POU2F1: variants seen among roughly 807,000 people sequenced by gnomAD.
POU2F1 encodes the protein POU class 2 homeobox 1.
In POU2F1, 16 loss-of-function variants were observed where a neutral mutation model predicts 84.9. The ratio of observed to expected loss-of-function variants is 0.19; its 90% confidence interval spans 0.13 to 0.29. The LOEUF (loss-of-function observed/expected upper bound fraction) is 0.29. Among genes scored for constraint, POU2F1 ranks in the 10% least tolerant of loss-of-function variants. The probability of loss-of-function intolerance (pLI) is 1.00; values close to 1 mark genes in which losing one functional copy is unlikely to be tolerated. For missense variants in POU2F1, 738 were observed against 942.6 expected (o/e 0.78, Z 2.84); for synonymous variants, 368 against 368.3 (o/e 1.00, Z 0.01).
chr1:167,250,457 A>G lies in POU2F1; in HGVS notation c.61+29499A>G, dbSNP rs573890057. ...TTTAAATTTTAGGTAAGAATGGAAA[A>G]TGATGCCTGTTAACATTTTTATTCT... On this transcript the variant is annotated intron_variant, in intron 1 of 15. Transcript: ENST00000367866. Among the ~76,000 whole-genome samples, 216 of 152,368 alleles carry G rather than the reference A, an allele frequency of 1.4e-3. 1 individual carries two copies. The highest frequency in any genetic ancestry group is 5.0e-3 in the African/African-American group (209 of 41,596).
At chr1:167,223,055 A>G (rs1300567374) in intron 1 of POU2F1, among the ~76,000 whole-genome samples, 1 of 152,142 alleles carries the variant, frequency 6.6e-6, no homozygotes, top group Non-Finnish European at 1.5e-5. Flanking sequence ...CCTTTCTGAC[A>G]TCTTCATTCT....
chr1:167,306,538 CATAATTCTCATTTTTCAAATGAG>C (rs1655076355), intron 1 of POU2F1, among the ~76,000 whole-genome samples: 1 of 152,058 alleles, frequency 6.6e-6, no homozygotes, highest in Non-Finnish European at 1.5e-5. Context: ...TGGGAGACAG[CATAATTCTCATTTTTCAAATGAG>C]AAAATTAAGG....
intron 1 of POU2F1, among the ~76,000 whole-genome samples, chr1:167,264,031 T>C (rs1209497564): frequency 6.6e-6 from 1 of 152,202 alleles, no homozygotes; most frequent in Non-Finnish European, 1.5e-5. Flanking sequence ...CTGCTCTTTA[T>C]ACCTTATGGT....
At chr1:167,399,103 T>G in intron 11 of POU2F1, 83 bp from the exon 12 acceptor site, 1 of 1,374,050 alleles carries the variant, frequency 7.3e-7, no homozygotes, top group Non-Finnish European at 9.8e-7. Flanking sequence ...CAGCTTCATT[T>G]TCTAACCTGA....
intron 12 of POU2F1, among the ~76,000 whole-genome samples, chr1:167,400,570 T>C (rs1649138945): frequency 6.6e-6 from 1 of 152,224 alleles, no homozygotes; most frequent in Admixed American, 6.5e-5. Context: ...GTCTTTTACT[T>C]TGAAACAACA....
At chr1:167,275,030 G>GTTTTTTTTTTTTTTTTTTTT (rs1202443333) in intron 1 of POU2F1, among the ~76,000 whole-genome samples, 1 of 120,756 alleles carries the variant, frequency 8.3e-6, no homozygotes, top group African/African-American at 3.1e-5. Flanking sequence ...TCAAATAAAT[G>GTTTTTTTTTTTTTTTTTTTT]TATTTTTTTT....
intron 8 of POU2F1, among the ~76,000 whole-genome samples, chr1:167,385,453 A>G (rs1647901478): frequency 6.6e-6 from 1 of 152,194 alleles, no homozygotes; most frequent in Non-Finnish European, 1.5e-5. Flanking sequence ...ACAGTGTAAT[A>G]CTGGCATATG....
At chr1:167,408,307 G>A (rs1398076820) in intron 13 of POU2F1, among the ~76,000 whole-genome samples, 8 of 152,078 alleles carry the variant, frequency 5.3e-5, no homozygotes, top group Non-Finnish European at 1.2e-4. Flanking sequence ...ATACAGCTTC[G>A]GAAAACATCT....
At chr1:167,348,610 C>T (rs1658352756) in intron 2 of POU2F1, among the ~76,000 whole-genome samples, 1 of 152,168 alleles carries the variant, frequency 6.6e-6, no homozygotes, top group South Asian at 2.1e-4. Flanking sequence ...CTGAAACCTC[C>T]TCCTTTTTTC....
intron 1 of POU2F1, chr1:167,241,556 A>T (rs562012331): frequency 6.6e-6 from 1 of 152,274 alleles, no homozygotes; most frequent in South Asian, 2.1e-4. Flanking sequence ...ATGAGCATAC[A>T]CCTTCACTTG....
rs1349627650 is a variant in POU2F1, at chr1:167,376,049, G to A, written c.612G>A (p.Gln204=). The part of the protein sequence containing the change: ...QIAQDLQQLQ[Q]LQQQNLNLQQ... ...TTCAGGATCTTCAACAACTGCAACA[G>A]CTTCAACAGCAGAATCTCAACCTGC... is the stretch of plus-strand genomic sequence containing the variant. Residue 204 remains glutamine (Q), a synonymous_variant, in exon 7 of 16, where the codon CAG becomes CAA. Coordinates refer to ENST00000367866, the MANE Select transcript of POU2F1 (RefSeq NM_002697.4). 6.2e-7 allele frequency: 1 copy of A among 1,614,148 alleles called. No homozygotes were observed. Among genetic ancestry groups the A allele is most frequent in the Non-Finnish European group, 8.5e-7 (1 of 1,180,000 alleles).
intron 1 of POU2F1, among the ~76,000 whole-genome samples, chr1:167,263,376 C>T (rs147797141): frequency 2.0e-4 from 31 of 152,024 alleles, no homozygotes; most frequent in Admixed American, 4.6e-4. Flanking sequence ...AAAAATTAGC[C>T]GGGCGTGGTA....
At chr1:167,294,249 T>C (rs1418984918) in intron 1 of POU2F1, among the ~76,000 whole-genome samples, 2 of 149,802 alleles carry the variant, frequency 1.3e-5, no homozygotes, top group African/African-American at 4.9e-5. Flanking sequence ...CTCAGGAGGC[T>C]GAGGTAGGAG....
intron 2 of POU2F1, among the ~76,000 whole-genome samples, chr1:167,351,519 CAAAAAAAAAAAAAAAAA>C (rs34170498): frequency 4.3e-5 from 2 of 45,996 alleles, no homozygotes; most frequent in South Asian, 1.3e-3. Flanking sequence ...AGCACCATCT[CAAAAAAAAAAAAAAAAA>C]AAAAAAAGAA....
rs573187431 is a variant in POU2F1, at chr1:167,350,973, G to A, written c.128-14494G>A. ...AGATCATGCCATTGCACTCCAGCCTGGGCAACAAAAGCGAAACTCCATCTC... is the reference window on the plus strand; with the variant it reads ...AGATCATGCCATTGCACTCCAGCCTAGGCAACAAAAGCGAAACTCCATCTC... On this transcript the variant is annotated intron_variant, in intron 2 of 15. Transcript: ENST00000367866. Among the ~76,000 whole-genome samples the A allele has an allele frequency of 2.0e-5, 3 of 151,898 alleles. No homozygotes were observed. In the East Asian group the frequency reaches 5.8e-4, roughly 30 times the overall value.
rs558587816 is a variant in POU2F1 at position 167,417,746 on chromosome 1, G to A, written c.*1936G>A. The A allele has an allele frequency of 4.6e-5, 7 of 152,292 alleles. No individual in the cohort carries two copies. In the East Asian group the frequency reaches 9.7e-4, roughly 21 times the overall value. The allele number at this position is 152,292 out of a possible 1,614,324, so 9.4% of individuals were successfully genotyped here. On this transcript the variant is annotated 3_prime_UTR_variant, in exon 16 of 16. Transcript: ENST00000367866. ...TGATTGCTTTTGTTTGTGTCCACAA[G>A]GGAGCTTGGATTCTGTGTACTTGTC... is the stretch of plus-strand genomic sequence containing the variant.
At chr1:167,268,297 C>A (rs1454855269) in intron 1 of POU2F1, among the ~76,000 whole-genome samples, 1 of 152,096 alleles carries the variant, frequency 6.6e-6, no homozygotes, top group Non-Finnish European at 1.5e-5. Flanking sequence ...TCATTACTTT[C>A]CAACTCCCTT....
intron 3 of POU2F1, among the ~76,000 whole-genome samples, chr1:167,366,665 T>C (rs1659701664): frequency 6.6e-6 from 1 of 152,096 alleles, no homozygotes; most frequent in African/African-American, 2.4e-5. Flanking sequence ...TTTATATCTT[T>C]GAAATGGAAA....
intron 10 of POU2F1, 105 bp from the exon 11 acceptor site, chr1:167,397,889 C>A: frequency 8.2e-7 from 1 of 1,215,656 alleles, no homozygotes; most frequent in Non-Finnish European, 1.1e-6. Flanking sequence ...CCTTTTCATA[C>A]TTGGATGTAG....
Sources: allele counts gnomAD v4.1 joint callset (sites outside exome capture counted in the v4.1 genomes callset), GRCh38; gene constraint gnomAD v4.1.1; transcripts MANE v1.5; gene names NCBI Gene and HGNC (gene_info 2026-07-23, HGNC 2026-07-21).